Variants in SLIT3 observed in about 807,000 individuals in gnomAD.
The protein encoded by SLIT3 is slit homolog 3 protein.
In SLIT3, 68 loss-of-function variants were observed where a neutral mutation model predicts 184.0. The observed-to-expected ratio is 0.37, with a 90% CI of 0.30 to 0.45. SLIT3 has a LOEUF of 0.45. SLIT3 is among the 20% of genes least tolerant of loss of function. SLIT3 has a pLI of 1.00. For synonymous variants in SLIT3, 831 were observed against 828.6 expected (o/e 1.00, Z -0.05); for missense variants, 1,707 against 2,026.0 (o/e 0.84, Z 3.02).
chr5:168,696,165 T>A (rs2113266614), intron 28 of SLIT3, 127 bp downstream of exon 28: 1 of 1,197,662 alleles, frequency 8.3e-7, no homozygotes, highest in East Asian at 2.4e-5. Context: ...TCTTGGCATA[T>A]CACAGTCTTG....
rs1253870801 is a variant in SLIT3 at position 169,266,353 on chromosome 5, C to G, written c.198-14894G>C. Among the ~76,000 whole-genome samples the G allele has an allele frequency of 2.6e-5, 4 of 152,204 alleles. No individual in the cohort carries two copies. In the East Asian group the frequency reaches 7.7e-4, roughly 29 times the overall value. On this transcript the variant is annotated intron_variant, in intron 1 of 35. Coordinates refer to ENST00000519560, the MANE Select transcript of SLIT3 (RefSeq NM_003062.4). ...TTCCATTTTCCTCCTAGGCAAACAA[C>G]AAGATTAAATTTCCTGTGCCCTTTG...
chr5:168,913,268 C>T (rs981796219), intron 4 of SLIT3, among the ~76,000 whole-genome samples: 5 of 151,954 alleles, frequency 3.3e-5, no homozygotes, highest in Admixed American at 1.3e-4. Context: ...TTGCACCAAT[C>T]AATACATACG....
chr5:169,279,470 A>G (rs1386557318), intron 1 of SLIT3, among the ~76,000 whole-genome samples: 1 of 152,202 alleles, frequency 6.6e-6, no homozygotes, highest in Non-Finnish European at 1.5e-5. Context: ...ATGCATACAT[A>G]CAGAAAAGGA....
At chr5:169,067,482 C>T (rs188318721) in intron 4 of SLIT3, among the ~76,000 whole-genome samples, 16 of 152,180 alleles carry the variant, frequency 1.1e-4, no homozygotes, top group Admixed American at 9.8e-4. Flanking sequence ...TGGGACAATC[C>T]ATCCATCTCT....
intron 4 of SLIT3, among the ~76,000 whole-genome samples, chr5:168,966,556 CT>C (rs1259395647): frequency 1.5e-4 from 23 of 152,170 alleles, no homozygotes; most frequent in African/African-American, 5.1e-4. Context: ...ACAAAAGCTT[CT>C]TCTTGAGTCT....
chr5:168,976,556 TC>T (rs1375854507), intron 4 of SLIT3, among the ~76,000 whole-genome samples: 1 of 152,180 alleles, frequency 6.6e-6, no homozygotes, highest in African/African-American at 2.4e-5. Context: ...TGAAGCTGAT[TC>T]CAGATAGAAA....
chr5:168,911,383 G>A (rs1361783142), intron 4 of SLIT3, among the ~76,000 whole-genome samples: 1 of 152,140 alleles, frequency 6.6e-6, no homozygotes, highest in Non-Finnish European at 1.5e-5. Context: ...GAGAACAACT[G>A]CATTGTGGAT....
At chr5:169,080,802 G>A (rs138047838) in intron 4 of SLIT3, among the ~76,000 whole-genome samples, 90 of 152,258 alleles carry the variant, frequency 5.9e-4, no homozygotes, top group Admixed American at 1.6e-3. Flanking sequence ...TTCCTGCTAT[G>A]CCTGGATACC....
At position 168,696,357 on chromosome 5, in the gene SLIT3, T is replaced by G. The variant is rs945812308; in HGVS notation, c.3017A>C (p.Glu1006Ala). 2 of 1,614,178 alleles carry G rather than the reference T, an allele frequency of 1.2e-6. No homozygotes were observed. The highest frequency in any genetic ancestry group is 3.3e-5 in the Admixed American group (2 of 60,032). The change falls in exon 28 of 36, where the codon GAA becomes GCA. Residue 1006 changes from glutamate to alanine, a missense_variant. By Grantham distance (107) the Glu-to-Ala change is moderately radical (BLOSUM62 -1). This residue lies in a region of SLIT3 where 1,307 missense variants were observed against 1,511.6 expected (regional missense o/e 0.86). Coordinates refer to ENST00000519560, the MANE Select transcript of SLIT3 (RefSeq NM_003062.4). ...CCCGTCCACGCAGGTGGCATTGTTT[T>G]CGCAGTCGTTGTCCTCACAGTCATC... ...NPDDCEDNDC[E>A]NNATCVDGIN...
At chr5:168,927,444 C>T (rs202053636) in intron 4 of SLIT3, among the ~76,000 whole-genome samples, 5 of 152,126 alleles carry the variant, frequency 3.3e-5, no homozygotes, top group East Asian at 1.9e-4. Flanking sequence ...ATTGGTGGTA[C>T]GACAATGTGA....
At chr5:168,736,062 G>A (rs546962542) in intron 20 of SLIT3, among the ~76,000 whole-genome samples, 55 of 152,126 alleles carry the variant, frequency 3.6e-4, no homozygotes, top group Non-Finnish European at 6.0e-4. Flanking sequence ...CTCTACTCCT[G>A]GTGTGAAATG....
At chr5:168,799,456 A>T (rs1245490672) in intron 9 of SLIT3, among the ~76,000 whole-genome samples, 1 of 152,222 alleles carries the variant, frequency 6.6e-6, no homozygotes, top group Non-Finnish European at 1.5e-5. Flanking sequence ...ACCAGCAAAA[A>T]CAATGGGAAC....
chr5:168,834,026 C>T (rs541538319), intron 6 of SLIT3, among the ~76,000 whole-genome samples: 2 of 152,328 alleles, frequency 1.3e-5, no homozygotes, highest in East Asian at 3.9e-4. Flanking sequence ...TGGCCAAAGT[C>T]TGGAAGTCAC....
At chr5:168,813,434 C>A (rs1757232791) in intron 8 of SLIT3, among the ~76,000 whole-genome samples, 1 of 152,106 alleles carries the variant, frequency 6.6e-6, no homozygotes, top group Admixed American at 6.5e-5. Context: ...CCAGACACTT[C>A]CAGCCGTAGG....
intron 4 of SLIT3, among the ~76,000 whole-genome samples, chr5:169,171,698 G>A (rs1413558106): frequency 6.6e-6 from 1 of 152,234 alleles, no homozygotes; most frequent in Admixed American, 6.5e-5. Flanking sequence ...GTGAATACAT[G>A]AATATTCATT....
intron 4 of SLIT3, among the ~76,000 whole-genome samples, chr5:169,116,072 G>C (rs1049029618): frequency 2.0e-5 from 3 of 152,168 alleles, no homozygotes; most frequent in African/African-American, 7.2e-5. Context: ...AGACTCCCTG[G>C]GGCTGAGGCT....
At chr5:169,081,578 CGAG>C (rs2113162365) in intron 4 of SLIT3, among the ~76,000 whole-genome samples, 1 of 152,110 alleles carries the variant, frequency 6.6e-6, no homozygotes, top group Non-Finnish European at 1.5e-5. Context: ...TCAGGGCCCC[CGAG>C]GAGAAGGGGA....
Position 169,259,773 on chromosome 5 carries a change from T to C in SLIT3, c.198-8314A>G, listed in dbSNP as rs1349189663. Among the ~76,000 whole-genome samples, 5 of 152,210 alleles carry C rather than the reference T, an allele frequency of 3.3e-5. No individual in the cohort carries two copies. In the South Asian group the frequency reaches 1.0e-3, roughly 32 times the overall value. On this transcript the variant is annotated intron_variant, in intron 1 of 35. Transcript: ENST00000519560. ...TGGAGTCCTGTCAATAACTCTGTAA[T>C]TGTCATCTTTTGGGAGCCCAGAGCC...
chr5:168,746,319 G>T (rs1763802277), intron 20 of SLIT3, among the ~76,000 whole-genome samples: 1 of 144,264 alleles, frequency 6.9e-6, no homozygotes. Context: ...TGGGTGTGGT[G>T]GTATGTGGTG....
Sources: allele counts gnomAD v4.1 joint callset (sites outside exome capture counted in the v4.1 genomes callset), GRCh38; gene constraint gnomAD v4.1.1; regional missense constraint gnomAD v4.1.1; transcripts MANE v1.5; gene names NCBI Gene and HGNC (gene_info 2026-07-23, HGNC 2026-07-21).